NOVA1: variants seen among roughly 807,000 people sequenced by gnomAD.
The protein encoded by NOVA1 is RNA-binding protein Nova-1.
NOVA1 carries 7 observed loss-of-function variants against 38.0 expected under a neutral mutation model. The observed-to-expected ratio is 0.18, with a 90% confidence interval of 0.10 to 0.35. The LOEUF is 0.35. NOVA1 is among the 10% of genes least tolerant of loss of function. NOVA1 has a pLI of 1.00. For synonymous variants in NOVA1, 270 were observed against 232.5 expected (o/e 1.16, Z -1.47); for missense variants, 460 against 616.0 (o/e 0.75, Z 2.68).
chr14:26,445,244 C>T lies in NOVA1; in HGVS notation c.*2715G>A, dbSNP rs1319726118. ...CTGAACAGCCATTGTTACATGCCTA[C>T]CTGTGGCAGTTTGAAGCCATACTAA... On this transcript the variant is annotated 3_prime_UTR_variant, in exon 5 of 5. Transcript: ENST00000539517. 3 of 152,252 alleles carry T rather than the reference C, an allele frequency of 2.0e-5. No individual in the cohort carries two copies. The East Asian group carries it at 5.8e-4, about 29-fold the overall frequency. 9.4% of individuals were successfully genotyped at this position (152,252 alleles called of 1,614,324 possible).
At chr14:26,523,800 G>A (rs1439037694) in intron 2 of NOVA1, among the ~76,000 whole-genome samples, 1 of 143,636 alleles carries the variant, frequency 7.0e-6, no homozygotes, top group African/African-American at 2.7e-5. Flanking sequence ...GCCCAGGCTG[G>A]TGTGCAGTGG....
At chr14:26,487,114 A>G (rs943066578) in intron 2 of NOVA1, among the ~76,000 whole-genome samples, 3 of 152,174 alleles carry the variant, frequency 2.0e-5, no homozygotes, top group African/African-American at 7.2e-5. Flanking sequence ...TATTTAAGAT[A>G]ATGAGTCAGC....
In NOVA1 at chr14:26,447,635, T is replaced by G. The variant is rs1882184085; in HGVS notation, c.*324A>C. The G allele has an allele frequency of 6.1e-6, 2 of 328,092 alleles. No individual in the cohort carries two copies. The highest frequency in any genetic ancestry group is 9.0e-5 in the Admixed American group (2 of 22,342). The allele number at this position is 328,092 out of a possible 1,614,324, so 20.3% of individuals were successfully genotyped here. A position where few individuals can be genotyped will look rare whatever the true frequency, so the allele number is the denominator to read the frequency against. ...GTTATCTAGAACTAATACTGAAAAC[T>G]ATACGCATATCCCTGTCTACATTCA... On this transcript the variant is annotated 3_prime_UTR_variant, in exon 5 of 5. Coordinates refer to ENST00000539517, the MANE Select transcript of NOVA1 (RefSeq NM_002515.3).
chr14:26,479,572 A>AG (rs1885266082), intron 3 of NOVA1: 2 of 175,860 alleles, frequency 1.1e-5, no homozygotes, highest in Admixed American at 1.2e-4. Flanking sequence ...CTCTATGCAT[A>AG]ATAACTATCC....
Position 26,569,715 on chromosome 14 carries a change from A to T in NOVA1, c.280+25695T>A, listed in dbSNP as rs184810388. Among the ~76,000 whole-genome samples, 473 of 152,334 alleles carry T rather than the reference A, an allele frequency of 3.1e-3. 2 individuals carry two copies. The highest frequency in any genetic ancestry group is 5.7e-3 in the Non-Finnish European group (388 of 68,030). The stretch of plus-strand genomic sequence containing the variant: ...AAGCAAAAGTGGCCCATTATTGACA[A>T]ATAATCACACCCAATTTCAACTTCT... On this transcript the variant is annotated intron_variant, in intron 2 of 4. Transcript: ENST00000539517.
intron 2 of NOVA1, among the ~76,000 whole-genome samples, chr14:26,491,904 C>G (rs558169187): frequency 3.3e-5 from 5 of 151,774 alleles, no homozygotes; most frequent in African/African-American, 9.7e-5. Flanking sequence ...ATTGTTTTAT[C>G]TATTCTAGGA....
intron 2 of NOVA1, among the ~76,000 whole-genome samples, chr14:26,546,348 G>A (rs761246483): frequency 3.3e-5 from 5 of 151,850 alleles, no homozygotes; most frequent in African/African-American, 1.2e-4. Flanking sequence ...AAGGTGTTTC[G>A]TCTCTCTAAC....
intron 2 of NOVA1, among the ~76,000 whole-genome samples, chr14:26,488,810 A>G (rs969603580): frequency 2.0e-5 from 3 of 152,132 alleles, no homozygotes; most frequent in Admixed American, 6.6e-5. Context: ...ACCATTTTTG[A>G]CAGTAATTTG....
rs150644583 is a variant in NOVA1 at position 26,566,854 on chromosome 14, T to G, written c.280+28556A>C. ...CAAAAATAAATGCATTTACCCATTT[T>G]TAAAAGGCTAAATGCTACTTTTTAA... On this transcript the variant is annotated intron_variant, in intron 2 of 4. Transcript: ENST00000539517. Among the ~76,000 whole-genome samples, 26 of 152,282 alleles carry G rather than the reference T, an allele frequency of 1.7e-4. No homozygotes were observed. The East Asian group carries it at 4.4e-3, about 26-fold the overall frequency.
At chr14:26,558,415 T>C (rs1021408983) in intron 2 of NOVA1, among the ~76,000 whole-genome samples, 4 of 151,772 alleles carry the variant, frequency 2.6e-5, no homozygotes, top group Admixed American at 2.6e-4. Context: ...GCAGAGGGAG[T>C]TGGGGCAAAA....
intron 2 of NOVA1, among the ~76,000 whole-genome samples, chr14:26,484,517 A>C (rs1257096247): frequency 1.3e-5 from 2 of 151,820 alleles, no homozygotes; most frequent in Non-Finnish European, 2.9e-5. Context: ...AAAACATTTA[A>C]AAAATCTCAT....
chr14:26,445,010 A>G lies in NOVA1; in HGVS notation c.*2949T>C, dbSNP rs1881966073. ...CAGCACACTGTGTCTCAGAGCGCCC[A>G]TTCAATCTCAGTAAGTAAATGAAAT... On this transcript the variant is annotated 3_prime_UTR_variant, in exon 5 of 5. Transcript: ENST00000539517. 6.6e-6 allele frequency: 1 copy of G among 152,202 alleles called. No homozygotes were observed. The highest frequency in any genetic ancestry group is 1.5e-5 in the Non-Finnish European group (1 of 68,036). 9.4% of individuals were successfully genotyped at this position (152,202 alleles called of 1,614,324 possible). A position where few individuals can be genotyped will look rare whatever the true frequency, so the allele number is the denominator to read the frequency against.
chr14:26,519,951 T>C (rs1888752897), intron 2 of NOVA1, among the ~76,000 whole-genome samples: 1 of 152,170 alleles, frequency 6.6e-6, no homozygotes. Flanking sequence ...TGCAGTTGGT[T>C]TGCATTATTC....
chr14:26,519,347 G>C (rs1054767143), intron 2 of NOVA1: 5 of 152,138 alleles, frequency 3.3e-5, no homozygotes, highest in Non-Finnish European at 5.9e-5. Context: ...AGTATGTACA[G>C]AGCAAGTGAG....
intron 2 of NOVA1, chr14:26,593,011 A>G (rs1893954085): frequency 6.6e-6 from 1 of 151,840 alleles, no homozygotes; most frequent in Non-Finnish European, 1.5e-5. Context: ...TGAGAAACAG[A>G]AAAGGGGCTT....
At chr14:26,495,271 CTTT>C (rs1328666846) in intron 2 of NOVA1, among the ~76,000 whole-genome samples, 2 of 152,122 alleles carry the variant, frequency 1.3e-5, no homozygotes, top group African/African-American at 2.4e-5. Context: ...CTTTATGCTT[CTTT>C]ATGACCCTTA....
intron 2 of NOVA1, among the ~76,000 whole-genome samples, chr14:26,495,258 T>A (rs930740936): frequency 1.3e-5 from 2 of 152,192 alleles, no homozygotes; most frequent in Non-Finnish European, 2.9e-5. Flanking sequence ...CAAATCACTA[T>A]CACTTTATGC....
intron 2 of NOVA1, among the ~76,000 whole-genome samples, chr14:26,542,749 AAAGT>A (rs1369745974): frequency 8.2e-4 from 124 of 151,346 alleles, no homozygotes; most frequent in African/African-American, 2.7e-3. Context: ...AAAAAAAAAA[AAAGT>A]AGTAATGGGG....
intron 2 of NOVA1, among the ~76,000 whole-genome samples, chr14:26,571,921 C>T (rs942977795): frequency 1.3e-5 from 2 of 152,170 alleles, no homozygotes; most frequent in Non-Finnish European, 2.9e-5. Flanking sequence ...CTATACAACC[C>T]TACTTAAATA....
Sources: gnomAD v4.1 joint callset for allele counts (sites outside exome capture counted in the v4.1 genomes callset) on GRCh38, gnomAD v4.1.1 for gene constraint, MANE v1.5 for transcripts, NCBI Gene and HGNC (gene_info 2026-07-23, HGNC 2026-07-21) for gene names.